Variants in PCDH15 observed in about 807,000 individuals in gnomAD.
The protein encoded by PCDH15 is protocadherin-15.
In PCDH15, 129 loss-of-function variants were observed where a neutral mutation model predicts 178.5. That is an observed-to-expected ratio of 0.72 (90% CI 0.63 to 0.84). PCDH15 has a LOEUF of 0.84. PCDH15 is among the 40% of genes least tolerant of loss of function. The pLI is 0.00. For synonymous variants in PCDH15, 800 were observed against 732.0 expected (o/e 1.09, Z -1.50); for missense variants, 2,230 against 2,099.9 (o/e 1.06, Z -1.21).
intron 2 of PCDH15, among the ~76,000 whole-genome samples, chr10:54,608,724 G>T (rs558064030): frequency 7.6e-4 from 116 of 151,940 alleles, no homozygotes; most frequent in Non-Finnish European, 1.3e-3. Flanking sequence ...CTTTCACATT[G>T]AATTAAATTA....
At chr10:54,180,589 T>C (rs1590999963) in intron 13 of PCDH15, among the ~76,000 whole-genome samples, 1 of 152,052 alleles carries the variant, frequency 6.6e-6, no homozygotes, top group South Asian at 2.1e-4. Flanking sequence ...AAAGGCAGGG[T>C]TGTGATGAGG....
At chr10:54,049,500 G>T (rs2135597539) in intron 18 of PCDH15, among the ~76,000 whole-genome samples, 1 of 152,214 alleles carries the variant, frequency 6.6e-6, no homozygotes, top group Admixed American at 6.5e-5. Flanking sequence ...TGTTGGCTGT[G>T]GATCTGCCAT....
chr10:54,234,389 T>A (rs1208837170), intron 9 of PCDH15, among the ~76,000 whole-genome samples: 6 of 152,138 alleles, frequency 3.9e-5, no homozygotes, highest in Admixed American at 6.6e-5. Flanking sequence ...GTTAATCCTA[T>A]ATTAAAGAAG....
At chr10:54,830,692 A>G (rs953969777) in intron 3 of PCDH15, among the ~76,000 whole-genome samples, 1 of 151,890 alleles carries the variant, frequency 6.6e-6, no homozygotes, top group African/African-American at 2.4e-5. Flanking sequence ...TATGTAACAA[A>G]CCTGCACATT....
intron 1 of PCDH15, among the ~76,000 whole-genome samples, chr10:55,306,559 A>G (rs1843431632): frequency 6.6e-6 from 1 of 152,208 alleles, no homozygotes. Flanking sequence ...TCAGGACTGC[A>G]GAGTTCTGAG....
chr10:55,508,637 T>A (rs1400920574), intron 2 of PCDH15, among the ~76,000 whole-genome samples: 2 of 151,780 alleles, frequency 1.3e-5, no homozygotes, highest in Non-Finnish European at 2.9e-5. Context: ...AAAGTTGACA[T>A]AGAATTTCCA....
chr10:54,025,964 G>A (rs1210144672), intron 18 of PCDH15, among the ~76,000 whole-genome samples: 1 of 152,106 alleles, frequency 6.6e-6, no homozygotes, highest in Non-Finnish European at 1.5e-5. Flanking sequence ...ATCCAGGATA[G>A]TATCCCCATC....
chr10:55,076,690 C>T (rs1241498181), intron 2 of PCDH15, among the ~76,000 whole-genome samples: 2 of 150,768 alleles, frequency 1.3e-5, no homozygotes, highest in African/African-American at 4.9e-5. Flanking sequence ...AACTTATGAA[C>T]TCAGGCAATC....
chr10:54,146,122 G>A (rs1162971008), intron 14 of PCDH15, among the ~76,000 whole-genome samples: 1 of 151,800 alleles, frequency 6.6e-6, no homozygotes, highest in Non-Finnish European at 1.5e-5. Context: ...AAAAATAAAT[G>A]AATAAATAAA....
At chr10:54,083,141 C>T (rs2094461437) in intron 16 of PCDH15, among the ~76,000 whole-genome samples, 1 of 151,902 alleles carries the variant, frequency 6.6e-6, no homozygotes, top group South Asian at 2.1e-4. Context: ...TAATTGTTGG[C>T]AAAAATGGGA....
At chr10:55,274,865 C>A (rs1307257735) in intron 1 of PCDH15, among the ~76,000 whole-genome samples, 1 of 152,044 alleles carries the variant, frequency 6.6e-6, no homozygotes, top group African/African-American at 2.4e-5. Context: ...AGGGTCCCCG[C>A]TCTTAGGACA....
At chr10:54,748,473 T>A (rs972529639) in intron 1 of PCDH15, among the ~76,000 whole-genome samples, 7 of 152,186 alleles carry the variant, frequency 4.6e-5, no homozygotes, top group Non-Finnish European at 8.8e-5. Flanking sequence ...TCTGTTAAAA[T>A]GATTTTTTTG....
chr10:54,274,616 TTGTGTGTG>T (rs3069673), intron 8 of PCDH15, among the ~76,000 whole-genome samples: 3,468 of 144,690 alleles, frequency 0.024, 114 homozygotes, highest in African/African-American at 0.075. Flanking sequence ...CTCAGTTTAA[TTGTGTGTG>T]TGTGTGTGTG....
intron 26 of PCDH15, among the ~76,000 whole-genome samples, chr10:53,889,488 G>A (rs1224686904): frequency 1.3e-5 from 2 of 151,932 alleles, no homozygotes. Context: ...AACTACTAGG[G>A]AATGGTAAAC....
At chr10:55,196,883 T>G (rs995361133) in intron 1 of PCDH15, among the ~76,000 whole-genome samples, 4 of 152,020 alleles carry the variant, frequency 2.6e-5, no homozygotes, top group African/African-American at 9.7e-5. Context: ...CTCTAACTTT[T>G]TAAACATTTA....
chr10:55,418,527 A>T (rs1838540259), intron 2 of PCDH15, among the ~76,000 whole-genome samples: 1 of 151,784 alleles, frequency 6.6e-6, no homozygotes, highest in Non-Finnish European at 1.5e-5. Context: ...CAGCGAGTGT[A>T]AGAAAATGTA....
At chr10:54,604,504 TTTTATC>T (rs1402722966) in intron 2 of PCDH15, among the ~76,000 whole-genome samples, 1 of 152,030 alleles carries the variant, frequency 6.6e-6, no homozygotes, top group Admixed American at 6.6e-5. Flanking sequence ...GAATTAACCT[TTTTATC>T]TTTATGTAAT....
chr10:55,106,604 C>T (rs994617444), intron 2 of PCDH15, among the ~76,000 whole-genome samples: 4 of 151,960 alleles, frequency 2.6e-5, no homozygotes, highest in African/African-American at 4.8e-5. Context: ...CTAATAGAGA[C>T]GGGGTTTCAC....
intron 7 of PCDH15, among the ~76,000 whole-genome samples, chr10:54,318,686 A>G (rs1340717854): frequency 2.0e-5 from 3 of 152,194 alleles, no homozygotes; most frequent in Non-Finnish European, 4.4e-5. Context: ...AATTTTGAGC[A>G]CTGGATATTT....
Sources: gnomAD v4.1 joint callset for allele counts (sites outside exome capture counted in the v4.1 genomes callset) on GRCh38, gnomAD v4.1.1 for gene constraint, MANE v1.5 for transcripts, NCBI Gene and HGNC (gene_info 2026-07-23, HGNC 2026-07-21) for gene names.